RAD51B: variants seen among roughly 807,000 people sequenced by gnomAD.
RAD51B encodes the protein DNA repair protein RAD51 homolog 2.
Under a neutral mutation model 42.2 loss-of-function variants are expected in RAD51B, and 38 were observed. The ratio of observed to expected loss-of-function variants is 0.90; its 90% confidence interval spans 0.70 to 1.18. The LOEUF (loss-of-function observed/expected upper bound fraction) is 1.18, where lower values mean the gene tolerates loss of function less well. Ranked by LOEUF, RAD51B falls within the 50% of genes most tolerant of loss-of-function variation. RAD51B has a pLI of 0.00. For missense variants in RAD51B, 373 were observed against 400.7 expected (o/e 0.93, Z 0.59); for synonymous variants, 154 against 145.2 (o/e 1.06, Z -0.43).
At chr14:68,659,163 G>T (rs759893138) in intron 11 of RAD51B, among the ~76,000 whole-genome samples, 7 of 152,224 alleles carry the variant, frequency 4.6e-5, no homozygotes, top group Non-Finnish European at 1.0e-4. Flanking sequence ...CTCCACCCAC[G>T]GAGCCTTTTC....
chr14:67,845,476 G>A (rs138044537), intron 4 of RAD51B, among the ~76,000 whole-genome samples: 265 of 151,992 alleles, frequency 1.7e-3, no homozygotes, highest in African/African-American at 6.1e-3. Flanking sequence ...GAGACCAGCC[G>A]GGGCAATATG....
At chr14:67,911,991 G>A (rs1380553431) in intron 7 of RAD51B, among the ~76,000 whole-genome samples, 2 of 152,190 alleles carry the variant, frequency 1.3e-5, no homozygotes, top group Non-Finnish European at 2.9e-5. Flanking sequence ...GTATATGATA[G>A]CATGAAGAAA....
chr14:67,879,398 T>C (rs1232896176), intron 5 of RAD51B, among the ~76,000 whole-genome samples: 1 of 152,184 alleles, frequency 6.6e-6, no homozygotes, highest in Non-Finnish European at 1.5e-5. Context: ...GACTGTGGAC[T>C]AGCCAAGTTG....
At chr14:68,558,316 G>A (rs988673415) in intron 10 of RAD51B, among the ~76,000 whole-genome samples, 2 of 152,246 alleles carry the variant, frequency 1.3e-5, no homozygotes, top group African/African-American at 4.8e-5. Context: ...CAAGCCCAAT[G>A]CTGACATGAA....
At chr14:68,323,651 TG>T (rs1374895229) in intron 8 of RAD51B, among the ~76,000 whole-genome samples, 1 of 152,136 alleles carries the variant, frequency 6.6e-6, no homozygotes, top group Non-Finnish European at 1.5e-5. Context: ...AACAGTTAGC[TG>T]GGTGTGGTGG....
intron 9 of RAD51B, among the ~76,000 whole-genome samples, chr14:68,459,776 A>C (rs2085797188): frequency 1.3e-5 from 2 of 152,216 alleles, no homozygotes; most frequent in African/African-American, 2.4e-5. Flanking sequence ...TGGGCCCCAC[A>C]TCTTATAGCA....
chr14:68,679,196 C>T (rs927175161), intron 11 of RAD51B, among the ~76,000 whole-genome samples: 5 of 152,228 alleles, frequency 3.3e-5, no homozygotes, highest in Non-Finnish European at 7.3e-5. Context: ...CCTATCATCT[C>T]CTTAAACTAA....
intron 8 of RAD51B, among the ~76,000 whole-genome samples, chr14:68,373,873 A>G (rs925097839): frequency 1.3e-5 from 2 of 152,210 alleles, no homozygotes; most frequent in African/African-American, 4.8e-5. Context: ...CCTCTTATGT[A>G]GTCAGTGATA....
intron 7 of RAD51B, among the ~76,000 whole-genome samples, chr14:68,094,487 A>G (rs2077158379): frequency 6.6e-6 from 1 of 152,242 alleles, no homozygotes. Context: ...CCATTTATGA[A>G]AATTTAAAAC....
At chr14:68,319,243 G>A (rs958847029) in intron 8 of RAD51B, among the ~76,000 whole-genome samples, 1 of 152,154 alleles carries the variant, frequency 6.6e-6, no homozygotes, top group Non-Finnish European at 1.5e-5. Flanking sequence ...ATTCCAAGAT[G>A]TCCAGTTAAA....
chr14:67,962,402 T>C (rs951824118), intron 7 of RAD51B, among the ~76,000 whole-genome samples: 3 of 152,140 alleles, frequency 2.0e-5, no homozygotes, highest in Non-Finnish European at 4.4e-5. Context: ...CATATCCTGA[T>C]TGTTGCCAAA....
intron 8 of RAD51B, among the ~76,000 whole-genome samples, chr14:68,406,598 C>G (rs2084281643): frequency 6.6e-6 from 1 of 152,172 alleles, no homozygotes; most frequent in African/African-American, 2.4e-5. Context: ...TAGGACACTG[C>G]TGTACACTAC....
chr14:68,041,237 C>T (rs112748857), intron 7 of RAD51B, among the ~76,000 whole-genome samples: 5,766 of 152,262 alleles, frequency 0.038, 192 homozygotes, highest in Admixed American at 0.11. Flanking sequence ...CTGAGGCTTC[C>T]TCAGCCATGC....
intron 8 of RAD51B, among the ~76,000 whole-genome samples, chr14:68,312,579 C>T (rs1478413833): frequency 2.0e-5 from 3 of 152,176 alleles, no homozygotes; most frequent in Non-Finnish European, 4.4e-5. Context: ...AATAATCCAG[C>T]CCTGGTAATC....
At chr14:68,076,990 A>G (rs2076844504) in intron 7 of RAD51B, among the ~76,000 whole-genome samples, 1 of 152,150 alleles carries the variant, frequency 6.6e-6, no homozygotes, top group South Asian at 2.1e-4. Context: ...TTTAAATTCA[A>G]ATTCTCAAAT....
chr14:68,020,657 G>A (rs1339821801), intron 7 of RAD51B, among the ~76,000 whole-genome samples: 1 of 152,248 alleles, frequency 6.6e-6, no homozygotes, highest in Non-Finnish European at 1.5e-5. Flanking sequence ...TTGGGATGAT[G>A]AAAAGGTTCT....
intron 10 of RAD51B, among the ~76,000 whole-genome samples, chr14:68,470,970 T>C (rs1689106847): frequency 6.6e-6 from 1 of 152,096 alleles, no homozygotes; most frequent in Non-Finnish European, 1.5e-5. Context: ...ATGACCAAAC[T>C]AAAAGACACC....
At chr14:67,953,433 G>A (rs1013981577) in intron 7 of RAD51B, among the ~76,000 whole-genome samples, 1 of 152,112 alleles carries the variant, frequency 6.6e-6, no homozygotes, top group African/African-American at 2.4e-5. Flanking sequence ...GCCAGGTCAT[G>A]GAGGGTTTTA....
chr14:68,212,986 T>C (rs2079742151), intron 7 of RAD51B, among the ~76,000 whole-genome samples: 1 of 152,212 alleles, frequency 6.6e-6, no homozygotes, highest in Non-Finnish European at 1.5e-5. Context: ...AAATGTCCAC[T>C]GGCAGTTTTG....
Sources: gnomAD v4.1 joint callset for allele counts (sites outside exome capture counted in the v4.1 genomes callset) on GRCh38, gnomAD v4.1.1 for gene constraint, MANE v1.5 for transcripts, NCBI Gene and HGNC (gene_info 2026-07-23, HGNC 2026-07-21) for gene names.